The following RBFOX3 variants were observed in gnomAD, a reference collection of about 807,000 sequenced individuals.
The protein encoded by RBFOX3 is RNA binding protein fox-1 homolog 3.
RBFOX3 carries 17 observed loss-of-function variants against 48.7 expected under a neutral mutation model. The observed-to-expected ratio is 0.35, with a 90% CI of 0.24 to 0.52. The LOEUF (loss-of-function observed/expected upper bound fraction) is 0.52. Ranked by LOEUF, RBFOX3 falls within the 20% of genes least tolerant of loss-of-function variation. The probability of loss-of-function intolerance (pLI) is 0.94; values close to 1 mark genes in which losing one functional copy is unlikely to be tolerated. For synonymous variants in RBFOX3, 212 were observed against 209.5 expected (o/e 1.01, Z -0.10); for missense variants, 382 against 497.5 (o/e 0.77, Z 2.21).
chr17:79,558,405 G>T (rs2091936449), intron 1 of RBFOX3, among the ~76,000 whole-genome samples: 1 of 152,238 alleles, frequency 6.6e-6, no homozygotes, highest in African/African-American at 2.4e-5. Flanking sequence ...CCGTCCGGAG[G>T]GTCCAGGCGC....
chr17:79,187,811 C>A (rs147644382), intron 4 of RBFOX3, among the ~76,000 whole-genome samples: 1 of 151,918 alleles, frequency 6.6e-6, no homozygotes, highest in Non-Finnish European at 1.5e-5. Flanking sequence ...GCAGACACCA[C>A]GGGGCAAGGT....
chr17:79,381,889 G>A (rs1255136409), intron 2 of RBFOX3, among the ~76,000 whole-genome samples: 1 of 152,170 alleles, frequency 6.6e-6, no homozygotes, highest in Admixed American at 6.5e-5. Flanking sequence ...GCCTCTCAGC[G>A]GGGCCCAGGG....
intron 11 of RBFOX3, among the ~76,000 whole-genome samples, 154 bp from the exon 12 acceptor site, chr17:79,096,987 G>A (rs1322886006): frequency 6.6e-6 from 1 of 152,124 alleles, no homozygotes; most frequent in East Asian, 1.9e-4. Context: ...GAGCAGAGAG[G>A]GCTCAGAGAA....
At chr17:79,118,622 C>A (rs2034779152) in intron 4 of RBFOX3, among the ~76,000 whole-genome samples, 1 of 152,002 alleles carries the variant, frequency 6.6e-6, no homozygotes, top group Admixed American at 6.5e-5. Context: ...GAGCCTTCAC[C>A]GCCTTGCACT....
chr17:79,152,043 G>A (rs1489484836), intron 4 of RBFOX3, among the ~76,000 whole-genome samples: 1 of 151,976 alleles, frequency 6.6e-6, no homozygotes, highest in Non-Finnish European at 1.5e-5. Flanking sequence ...CAGGAGGGGT[G>A]ATGGGAGGCT....
At chr17:79,094,272 G>A in intron 14 of RBFOX3, 179 bp downstream of exon 14, 1 of 489,660 alleles carries the variant, frequency 2.0e-6, no homozygotes, top group African/African-American at 2.0e-5. Flanking sequence ...CCCCGCAACT[G>A]AGAGGGCGTG....
chr17:79,498,497 CCATCCATCCACT>C (rs2081906417), intron 1 of RBFOX3, among the ~76,000 whole-genome samples: 2 of 151,486 alleles, frequency 1.3e-5, no homozygotes, highest in African/African-American at 2.4e-5. Context: ...ATAAGCCTAC[CCATCCATCCACT>C]CATCCATCCA....
At chr17:79,651,665 C>G in the RBFOX3 span, among the ~76,000 whole-genome samples, 4 of 112,580 alleles carry the variant, frequency 3.6e-5, no homozygotes, top group African/African-American at 1.3e-4. Context: ...TCTCTCCTCC[C>G]CCGCCTCTCT....
At chr17:79,235,715 T>A (rs1002823878) in intron 4 of RBFOX3, 51 bp downstream of exon 4, 1 of 153,748 alleles carries the variant, frequency 6.5e-6, no homozygotes, top group Non-Finnish European at 1.5e-5. Flanking sequence ...ATGTTCAACA[T>A]GCTCATATCT....
chr17:79,136,856 T>C (rs1027070435), intron 4 of RBFOX3, among the ~76,000 whole-genome samples: 6 of 152,264 alleles, frequency 3.9e-5, no homozygotes, highest in Middle Eastern at 3.4e-3. Flanking sequence ...TCCTAGGAGA[T>C]AGTCACCACC....
At chr17:79,503,122 C>A (rs1280136029) in intron 1 of RBFOX3, among the ~76,000 whole-genome samples, 1 of 152,192 alleles carries the variant, frequency 6.6e-6, no homozygotes, top group African/African-American at 2.4e-5. Context: ...AGAGAACAGG[C>A]TCCCTGGTGT....
chr17:79,652,919 C>A, the RBFOX3 span, among the ~76,000 whole-genome samples: 1 of 151,956 alleles, frequency 6.6e-6, no homozygotes, highest in Non-Finnish European at 1.5e-5. Context: ...CATTTCAGAA[C>A]ACCAAGGATA....
chr17:79,387,869 A>G (rs2060776420), intron 2 of RBFOX3, among the ~76,000 whole-genome samples: 1 of 152,094 alleles, frequency 6.6e-6, no homozygotes, highest in Non-Finnish European at 1.5e-5. Flanking sequence ...TGTGCACTGT[A>G]CAGTGTGTGT....
At chr17:79,344,540 ATTATTTAT>A (rs35977736) in intron 2 of RBFOX3, among the ~76,000 whole-genome samples, 70 of 147,434 alleles carry the variant, frequency 4.7e-4, no homozygotes, top group African/African-American at 1.4e-3. Flanking sequence ...ACTTTGTTTG[ATTATTTAT>A]TTATTTATTT....
At chr17:79,258,723 T>C (rs963299791) in intron 3 of RBFOX3, among the ~76,000 whole-genome samples, 2 of 151,998 alleles carry the variant, frequency 1.3e-5, no homozygotes, top group East Asian at 3.8e-4. Flanking sequence ...GGCTGGTTGG[T>C]GGGGGGTGCA....
chr17:79,650,764 T>C, the RBFOX3 span, among the ~76,000 whole-genome samples: 1 of 152,112 alleles, frequency 6.6e-6, no homozygotes, highest in Admixed American at 6.5e-5. Context: ...GAAAGGCAGC[T>C]GTCCACCCAT....
chr17:79,499,813 A>G (rs1165285668), intron 1 of RBFOX3, among the ~76,000 whole-genome samples: 1 of 152,208 alleles, frequency 6.6e-6, no homozygotes, highest in Non-Finnish European at 1.5e-5. Context: ...GGTGGCCATT[A>G]TCCGCATCAT....
chr17:79,102,301 C>T (rs2076591923), intron 8 of RBFOX3, among the ~76,000 whole-genome samples: 1 of 152,172 alleles, frequency 6.6e-6, no homozygotes, highest in Non-Finnish European at 1.5e-5. Context: ...GGTGATGGGT[C>T]CCAGGAAGGG....
At chr17:79,563,250 T>C (rs1284705076) in intron 1 of RBFOX3, among the ~76,000 whole-genome samples, 2 of 150,920 alleles carry the variant, frequency 1.3e-5, no homozygotes, top group Non-Finnish European at 2.9e-5. Flanking sequence ...AACAAGAATC[T>C]CTAAGGAATG....
Sources: gnomAD v4.1 joint callset for allele counts (sites outside exome capture counted in the v4.1 genomes callset) on GRCh38, gnomAD v4.1.1 for gene constraint, MANE v1.5 for transcripts, NCBI Gene and HGNC (gene_info 2026-07-23, HGNC 2026-07-21) for gene names.